The following DLG2 variants were observed in gnomAD, a reference collection of about 807,000 sequenced individuals.
DLG2 encodes disks large homolog 2.
DLG2 carries 45 observed loss-of-function variants against 132.5 expected under a neutral mutation model. The ratio of observed to expected loss-of-function variants is 0.34; its 90% CI spans 0.27 to 0.44. The LOEUF is 0.44. Among genes scored for constraint, DLG2 ranks in the 20% least tolerant of loss-of-function variants. The probability of loss-of-function intolerance (pLI) is 1.00; values close to 1 mark genes in which losing one functional copy is unlikely to be tolerated. For missense variants in DLG2, 1,045 were observed against 1,196.9 expected, an observed-to-expected ratio of 0.87 and a Z score of 1.87; for synonymous variants, 424 against 419.6, an observed-to-expected ratio of 1.01 and a Z score of -0.13.
At chr11:85,017,552 C>A (rs1011491670) in intron 6 of DLG2, among the ~76,000 whole-genome samples, 1 of 152,198 alleles carries the variant, frequency 6.6e-6, no homozygotes, top group African/African-American at 2.4e-5. Flanking sequence ...AAAGAGCACA[C>A]AACAGGATCA....
chr11:83,972,377 C>T (rs1235596709), intron 12 of DLG2, among the ~76,000 whole-genome samples: 3 of 152,096 alleles, frequency 2.0e-5, no homozygotes, highest in African/African-American at 7.2e-5. Flanking sequence ...GTTGAAAAGA[C>T]TCTGTATGAT....
chr11:85,467,025 A>C lies in DLG2; in HGVS notation c.40+131632T>G, dbSNP rs371474226. 2.4e-3 allele frequency among the ~76,000 whole-genome samples: 369 copies of C among 152,156 alleles called. 1 individual carries two copies. Among genetic ancestry groups the C allele is most frequent in the Admixed American group, 2.9e-3 (45 of 15,266 alleles). On this transcript the variant is annotated intron_variant, in intron 3 of 27. Coordinates refer to ENST00000376104, the MANE Select transcript of DLG2 (RefSeq NM_001142699.3). ...TAGTTCTCCTTGAAGAGGTCCTTCA[A>C]ATCCCTTGTAAGTTGGATTCCTAGG...
intron 4 of DLG2, among the ~76,000 whole-genome samples, chr11:85,195,962 T>A (rs2081036734): frequency 6.6e-6 from 1 of 152,240 alleles, no homozygotes; most frequent in Admixed American, 6.5e-5. Flanking sequence ...CTATAAAGTA[T>A]CATTCATTAT....
intron 7 of DLG2, among the ~76,000 whole-genome samples, chr11:84,527,762 C>T (rs2099325721): frequency 6.6e-6 from 1 of 152,064 alleles, no homozygotes; most frequent in Non-Finnish European, 1.5e-5. Flanking sequence ...TGCAAGATGC[C>T]ATTGATCTTA....
chr11:84,629,649 C>A (rs181091193), intron 6 of DLG2, among the ~76,000 whole-genome samples: 2 of 152,288 alleles, frequency 1.3e-5, no homozygotes, highest in Admixed American at 6.5e-5. Flanking sequence ...AGAAGAGATA[C>A]CTGGCCCATC....
At chr11:84,023,969 A>G (rs1415371086) in intron 11 of DLG2, among the ~76,000 whole-genome samples, 1 of 152,150 alleles carries the variant, frequency 6.6e-6, no homozygotes, top group Non-Finnish European at 1.5e-5. Context: ...TATCGTATAT[A>G]ATACATATAA....
intron 6 of DLG2, among the ~76,000 whole-genome samples, chr11:84,781,250 C>G (rs1232460596): frequency 1.3e-5 from 2 of 151,990 alleles, no homozygotes; most frequent in African/African-American, 2.4e-5. Context: ...TTTCTTCAGA[C>G]AGTATATACT....
intron 7 of DLG2, among the ~76,000 whole-genome samples, chr11:84,354,541 T>C (rs1476131492): frequency 1.3e-5 from 2 of 152,174 alleles, no homozygotes; most frequent in Non-Finnish European, 2.9e-5. Context: ...GCTAAAAATA[T>C]GAATATTTCT....
intron 4 of DLG2, among the ~76,000 whole-genome samples, chr11:85,178,947 G>A (rs948620333): frequency 3.3e-5 from 5 of 151,788 alleles, no homozygotes; most frequent in Admixed American, 6.6e-5. Flanking sequence ...AGCAATATTT[G>A]AATAAATACA....
In DLG2 at chr11:84,880,532, AT is replaced by A. The variant is rs369792177; in HGVS notation, c.357+231128del. On this transcript the variant is annotated intron_variant, in intron 6 of 27. Coordinates refer to ENST00000376104, the MANE Select transcript of DLG2 (RefSeq NM_001142699.3). ...TTCCAATTTGAATAAATATAAAATA[AT>A]TAAAAGATAAATATATGGCCTTGCA... Among the ~76,000 whole-genome samples the A allele has an allele frequency of 5.1e-3, 776 of 152,302 alleles. 16 individuals are homozygous for A. The highest frequency in any genetic ancestry group is 0.037 in the Admixed American group (566 of 15,280).
intron 14 of DLG2, among the ~76,000 whole-genome samples, chr11:83,943,026 A>T (rs528598743): frequency 2.3e-3 from 355 of 152,262 alleles, no homozygotes; most frequent in African/African-American, 8.2e-3. Context: ...AAGTTTTATA[A>T]GGGGGAGTTT....
At chr11:84,222,084 G>A (rs2096923756) in intron 8 of DLG2, among the ~76,000 whole-genome samples, 1 of 151,960 alleles carries the variant, frequency 6.6e-6, no homozygotes, top group African/African-American at 2.4e-5. Context: ...CCAGGCTGGA[G>A]TGCAATGGTG....
At chr11:84,708,904 T>C (rs1276059684) in intron 6 of DLG2, among the ~76,000 whole-genome samples, 2 of 151,970 alleles carry the variant, frequency 1.3e-5, no homozygotes, top group East Asian at 1.9e-4. Context: ...GCCTTTTAAA[T>C]AAAGAAAATA....
chr11:83,500,317 G>A (rs932228834), intron 21 of DLG2, among the ~76,000 whole-genome samples: 2 of 152,094 alleles, frequency 1.3e-5, no homozygotes, highest in African/African-American at 2.4e-5. Context: ...ACAAGGTGCC[G>A]TCATTCTGAA....
chr11:84,116,161 A>C (rs1019676583), intron 9 of DLG2, among the ~76,000 whole-genome samples: 1 of 152,150 alleles, frequency 6.6e-6, no homozygotes, highest in Non-Finnish European at 1.5e-5. Flanking sequence ...CCTGGACTTT[A>C]TTTATTAAGT....
chr11:84,713,215 AT>A lies in DLG2; in HGVS notation c.358-178485del, dbSNP rs776270882. On this transcript the variant is annotated intron_variant, in intron 6 of 27. Transcript: ENST00000376104. ...TATTGGAAATGAGTGTATATTCCAA[AT>A]CTAACCTGCTTAGGTTCAAATTTTG... Among the ~76,000 whole-genome samples the A allele has an allele frequency of 2.0e-4, 31 of 152,094 alleles. 1 individual carries two copies. The highest frequency in any genetic ancestry group is 4.0e-4 in the Non-Finnish European group (27 of 67,996).
chr11:83,537,827 AAAAAAAAAGAGAG>A (rs966087737), intron 20 of DLG2, among the ~76,000 whole-genome samples: 8 of 138,880 alleles, frequency 5.8e-5, no homozygotes, highest in African/African-American at 9.1e-5. Flanking sequence ...AAAAAAAAAA[AAAAAAAAAGAGAG>A]AGAGAGATAC....
At chr11:84,568,165 A>G (rs2099465026) in intron 6 of DLG2, among the ~76,000 whole-genome samples, 1 of 152,192 alleles carries the variant, frequency 6.6e-6, no homozygotes, top group African/African-American at 2.4e-5. Flanking sequence ...TAACCAGTGC[A>G]TGGATCTTGG....
intron 12 of DLG2, among the ~76,000 whole-genome samples, chr11:83,966,426 C>A (rs2090210412): frequency 6.6e-6 from 1 of 152,012 alleles, no homozygotes; most frequent in African/African-American, 2.4e-5. Context: ...TTCTTTATTG[C>A]ATGGAAAAGC....
Sources: gnomAD v4.1 joint callset for allele counts (sites outside exome capture counted in the v4.1 genomes callset) on GRCh38, gnomAD v4.1.1 for gene constraint, MANE v1.5 for transcripts, NCBI Gene and HGNC (gene_info 2026-07-23, HGNC 2026-07-21) for gene names.